The following TCF12 variants were observed in gnomAD, a reference collection of about 807,000 sequenced individuals.
TCF12 encodes the protein DNA-binding protein HTF4.
TCF12 carries 45 observed loss-of-function variants against 86.0 expected under a neutral mutation model. The ratio of observed to expected loss-of-function variants is 0.52; its 90% confidence interval spans 0.41 to 0.67. The LOEUF (loss-of-function observed/expected upper bound fraction) is 0.67, where lower values mean the gene tolerates loss of function less well. TCF12 is among the 30% of genes least tolerant of loss of function. The pLI, the probability that TCF12 is intolerant of heterozygous loss-of-function variation, is 0.00. For missense variants in TCF12, 881 were observed against 859.9 expected, an observed-to-expected ratio of 1.02 and a Z score of -0.31; for synonymous variants, 330 against 299.6, an observed-to-expected ratio of 1.10 and a Z score of -1.05.
At chr15:57,023,913 G>C (rs182512138) in intron 3 of TCF12, among the ~76,000 whole-genome samples, 1 of 152,066 alleles carries the variant, frequency 6.6e-6, no homozygotes, top group South Asian at 2.1e-4. Context: ...CATAAGGATC[G>C]TGCAACCTAA....
intron 5 of TCF12, among the ~76,000 whole-genome samples, chr15:57,108,745 C>G (rs2050297995): frequency 6.6e-6 from 1 of 152,066 alleles, no homozygotes; most frequent in African/African-American, 2.4e-5. Flanking sequence ...TTCATAACTT[C>G]CCCTTGAGTT....
chr15:57,174,933 A>T (rs951230576), intron 6 of TCF12, among the ~76,000 whole-genome samples: 1 of 152,056 alleles, frequency 6.6e-6, no homozygotes, highest in Non-Finnish European at 1.5e-5. Context: ...CCTGGGCAAC[A>T]TAGCAAGACC....
In TCF12 at chr15:57,251,450, A is replaced by G. The variant is rs369091062; in HGVS notation, c.1188+27A>G. On this transcript the variant is annotated intron_variant, in intron 14 of 20. Transcript: ENST00000333725. ...TAAGAGCCTCTTATACATCAGTTTT[A>G]TCTGATAGCTTAGAGTTTGTTTGTT... The G allele has an allele frequency of 7.5e-6, 12 of 1,608,822 alleles. No homozygotes were observed. In the African/African-American group the frequency reaches 9.4e-5, roughly 13 times the overall value.
At chr15:57,233,822 A>C (rs2059270373) in intron 11 of TCF12, among the ~76,000 whole-genome samples, 1 of 152,202 alleles carries the variant, frequency 6.6e-6, no homozygotes, top group Non-Finnish European at 1.5e-5. Context: ...TTTAAAAGTG[A>C]AAGACAGGAA....
intron 5 of TCF12, chr15:57,118,309 C>A (rs2050983132): frequency 6.6e-6 from 1 of 152,174 alleles, no homozygotes; most frequent in African/African-American, 2.4e-5. Flanking sequence ...AGCAAATTAA[C>A]TCTTATTTCT....
chr15:57,266,816 C>A (rs1013244598), intron 18 of TCF12, among the ~76,000 whole-genome samples: 28 of 152,242 alleles, frequency 1.8e-4, no homozygotes, highest in African/African-American at 6.5e-4. Flanking sequence ...GCAGGAGGAT[C>A]TCTTGAGGCC....
intron 16 of TCF12, among the ~76,000 whole-genome samples, chr15:57,261,631 G>A (rs756240057): frequency 9.9e-5 from 15 of 152,084 alleles, no homozygotes; most frequent in Non-Finnish European, 1.5e-4. Flanking sequence ...GTTTTTTTAT[G>A]TAAGTTAATA....
chr15:57,007,350 A>G (rs1210127083), intron 3 of TCF12, among the ~76,000 whole-genome samples: 3 of 152,312 alleles, frequency 2.0e-5, no homozygotes, highest in Non-Finnish European at 2.9e-5. Context: ...CTAGCAAACT[A>G]CTTTGAGTAG....
intron 3 of TCF12, among the ~76,000 whole-genome samples, chr15:56,928,969 C>T (rs17819664): frequency 0.04 from 6,147 of 152,196 alleles, 373 homozygotes; most frequent in Admixed American, 0.17. Context: ...CCTTGGTAGC[C>T]TGAAGCAGCA....
At chr15:57,174,345 GAT>G (rs1178745851) in intron 6 of TCF12, among the ~76,000 whole-genome samples, 4 of 152,116 alleles carry the variant, frequency 2.6e-5, no homozygotes, top group Non-Finnish European at 5.9e-5. Context: ...ATACAGAAAA[GAT>G]ATTTGACAAA....
chr15:57,193,325 A>G (rs1295588053), intron 7 of TCF12, among the ~76,000 whole-genome samples: 1 of 152,228 alleles, frequency 6.6e-6, no homozygotes, highest in Non-Finnish European at 1.5e-5. Context: ...TACATTCACT[A>G]CATTGTGCCG....
At chr15:57,056,566 C>T (rs1211413144) in intron 3 of TCF12, among the ~76,000 whole-genome samples, 4 of 152,168 alleles carry the variant, frequency 2.6e-5, no homozygotes, top group African/African-American at 9.7e-5. Context: ...TCCAATCAAT[C>T]CTCCAATGTT....
intron 5 of TCF12, among the ~76,000 whole-genome samples, chr15:57,124,787 C>T (rs1357628167): frequency 1.3e-5 from 2 of 151,974 alleles, no homozygotes; most frequent in African/African-American, 4.8e-5. Flanking sequence ...ACGCCATTCT[C>T]CTCCCTCAGC....
chr15:57,138,744 G>C (rs566389246), intron 5 of TCF12, among the ~76,000 whole-genome samples: 1 of 152,240 alleles, frequency 6.6e-6, no homozygotes, highest in South Asian at 2.1e-4. Context: ...ATGTTTATTG[G>C]GGTTCATAGA....
At chr15:57,220,261 A>G (rs1477110280) in intron 8 of TCF12, among the ~76,000 whole-genome samples, 1 of 152,238 alleles carries the variant, frequency 6.6e-6, no homozygotes, top group African/African-American at 2.4e-5. Flanking sequence ...ACACATATGT[A>G]TTGAGAATTA....
chr15:56,946,903 T>C (rs1291213957), intron 3 of TCF12, among the ~76,000 whole-genome samples: 3 of 150,726 alleles, frequency 2.0e-5, no homozygotes, highest in Non-Finnish European at 4.4e-5. Flanking sequence ...GTTCAAGCTA[T>C]TCTCCTGCTT....
At chr15:57,269,842 T>TG (rs1452386785) in intron 18 of TCF12, among the ~76,000 whole-genome samples, 2 of 152,218 alleles carry the variant, frequency 1.3e-5, no homozygotes, top group East Asian at 3.8e-4. Context: ...TATGAAATTC[T>TG]GGGTTGAAAA....
intron 8 of TCF12, among the ~76,000 whole-genome samples, chr15:57,210,018 A>G (rs2058035159): frequency 6.6e-6 from 1 of 152,150 alleles, no homozygotes; most frequent in Non-Finnish European, 1.5e-5. Context: ...CCTATATAAA[A>G]GGGCAACATA....
chr15:57,257,813 C>A (rs1162239691), intron 16 of TCF12, among the ~76,000 whole-genome samples: 1 of 151,932 alleles, frequency 6.6e-6, no homozygotes, highest in African/African-American at 2.4e-5. Context: ...TGAGCATTTC[C>A]TTGTTCTCAT....
Sources: allele counts gnomAD v4.1 joint callset (sites outside exome capture counted in the v4.1 genomes callset), GRCh38; gene constraint gnomAD v4.1.1; transcripts MANE v1.5; gene names NCBI Gene and HGNC (gene_info 2026-07-23, HGNC 2026-07-21).